Variants in PDE8B observed in about 807,000 individuals in gnomAD.
PDE8B encodes phosphodiesterase 8B.
In PDE8B, 26 loss-of-function variants were observed where a neutral mutation model predicts 101.3. That is an observed-to-expected ratio of 0.26 (90% CI 0.19 to 0.36). The LOEUF (loss-of-function observed/expected upper bound fraction) is 0.36. Among genes scored for constraint, PDE8B ranks in the 10% least tolerant of loss-of-function variants. PDE8B has a pLI of 1.00. For missense variants in PDE8B, 810 were observed against 1,163.1 expected (o/e 0.70, Z 4.42); for synonymous variants, 424 against 429.3 (o/e 0.99, Z 0.15).
At chr5:77,270,957 G>T (rs1187751966) in intron 1 of PDE8B, among the ~76,000 whole-genome samples, 1 of 100,082 alleles carries the variant, frequency 1.0e-5, no homozygotes. Flanking sequence ...ACCCCTCATT[G>T]TTCACTCAGG....
chr5:77,136,868 G>A, the PDE8B span, among the ~76,000 whole-genome samples: 6 of 152,154 alleles, frequency 3.9e-5, no homozygotes, highest in African/African-American at 1.4e-4. Context: ...ATATTTGTAA[G>A]GAAGGGTTTT....
the PDE8B span, among the ~76,000 whole-genome samples, chr5:77,150,878 A>G: frequency 0.7 from 106,247 of 152,104 alleles, 37,424 homozygotes; most frequent in East Asian, 0.94. Context: ...TCCAAAGCTA[A>G]CAGGTATTGG....
chr5:77,214,739 C>G (rs1257111765), intron 1 of PDE8B, among the ~76,000 whole-genome samples: 1 of 152,036 alleles, frequency 6.6e-6, no homozygotes. Flanking sequence ...GTTTTGGAGT[C>G]AAACTTTACG....
At chr5:77,319,466 A>C (rs1774548583) in intron 2 of PDE8B, among the ~76,000 whole-genome samples, 1 of 152,240 alleles carries the variant, frequency 6.6e-6, no homozygotes, top group South Asian at 2.1e-4. Flanking sequence ...ATGCAAAAAT[A>C]GATCATTGAA....
intron 10 of PDE8B, among the ~76,000 whole-genome samples, chr5:77,395,072 T>A (rs1237245328): frequency 6.6e-6 from 1 of 152,162 alleles, no homozygotes; most frequent in African/African-American, 2.4e-5. Flanking sequence ...CAGCTTTTGG[T>A]AGTGTTGTAT....
At chr5:77,212,513 A>T (rs1748690258) in intron 1 of PDE8B, among the ~76,000 whole-genome samples, 1 of 152,134 alleles carries the variant, frequency 6.6e-6, no homozygotes, top group African/African-American at 2.4e-5. Context: ...TTGTGGTTGC[A>T]GTGTTTCTCT....
chr5:77,362,670 G>A (rs535206888), intron 10 of PDE8B, among the ~76,000 whole-genome samples: 1 of 152,300 alleles, frequency 6.6e-6, no homozygotes, highest in South Asian at 2.1e-4. Flanking sequence ...CATCTTTGAG[G>A]AGCACGCTCC....
the PDE8B span, among the ~76,000 whole-genome samples, chr5:77,175,787 A>C: frequency 6.6e-6 from 1 of 152,330 alleles, no homozygotes; most frequent in Admixed American, 6.5e-5. Context: ...AATTGCATAA[A>C]TTTGCCTCTG....
At chr5:77,191,908 G>A in the PDE8B span, among the ~76,000 whole-genome samples, 6 of 152,300 alleles carry the variant, frequency 3.9e-5, no homozygotes, top group African/African-American at 1.2e-4. Context: ...CTGTCTGGGG[G>A]TGATGGGAGA....
intron 1 of PDE8B, among the ~76,000 whole-genome samples, chr5:77,261,466 C>T (rs1354156389): frequency 6.6e-6 from 1 of 152,238 alleles, no homozygotes; most frequent in Non-Finnish European, 1.5e-5. Context: ...ATGGCAACTA[C>T]ACTTCTCTAC....
At chr5:77,162,999 A>G in the PDE8B span, among the ~76,000 whole-genome samples, 2 of 152,240 alleles carry the variant, frequency 1.3e-5, no homozygotes, top group Non-Finnish European at 2.9e-5. Flanking sequence ...CAAATATAGA[A>G]GACAGGTTAA....
At chr5:77,220,682 T>C (rs565526008) in intron 1 of PDE8B, among the ~76,000 whole-genome samples, 1 of 152,362 alleles carries the variant, frequency 6.6e-6, no homozygotes, top group East Asian at 1.9e-4. Flanking sequence ...TGAAACAATA[T>C]TGCTGTGAAA....
At chr5:77,327,255 C>T (rs1005883087) in intron 3 of PDE8B, among the ~76,000 whole-genome samples, 6 of 152,198 alleles carry the variant, frequency 3.9e-5, no homozygotes, top group African/African-American at 2.4e-5. Context: ...GCCTAACATG[C>T]GTCCTTGAGC....
intron 21 of PDE8B, 45 bp downstream of exon 21, chr5:77,425,941 T>C (rs1798001883): frequency 6.4e-7 from 1 of 1,567,420 alleles, no homozygotes; most frequent in Non-Finnish European, 8.8e-7. Flanking sequence ...TTGTTATACT[T>C]TACGAATATT....
At chr5:77,125,289 G>GT in the PDE8B span, among the ~76,000 whole-genome samples, 1 of 152,106 alleles carries the variant, frequency 6.6e-6, no homozygotes, top group African/African-American at 2.4e-5. Flanking sequence ...ACGCCCCACT[G>GT]TTTTCTTTAA....
At chr5:77,399,433 T>G (rs1791768273) in intron 10 of PDE8B, among the ~76,000 whole-genome samples, 2 of 152,234 alleles carry the variant, frequency 1.3e-5, no homozygotes, top group Non-Finnish European at 2.9e-5. Context: ...TGTCTTATTT[T>G]TCAAGTTAAC....
chr5:77,305,873 A>G (rs1771085001), intron 1 of PDE8B, among the ~76,000 whole-genome samples: 1 of 152,184 alleles, frequency 6.6e-6, no homozygotes, highest in Non-Finnish European at 1.5e-5. Flanking sequence ...AATGATCTTC[A>G]CCGTGGACCC....
intron 1 of PDE8B, among the ~76,000 whole-genome samples, chr5:77,270,446 A>G (rs1333717583): frequency 6.6e-6 from 1 of 152,090 alleles, no homozygotes; most frequent in East Asian, 1.9e-4. Flanking sequence ...GATGCCTTTT[A>G]TTTCTTTCTC....
chr5:77,156,250 G>C, the PDE8B span, among the ~76,000 whole-genome samples: 1 of 152,122 alleles, frequency 6.6e-6, no homozygotes, highest in Non-Finnish European at 1.5e-5. Context: ...AAGGTAGAAG[G>C]CTGATAGGTT....
Sources: gnomAD v4.1 joint callset for allele counts (sites outside exome capture counted in the v4.1 genomes callset) on GRCh38, gnomAD v4.1.1 for gene constraint, MANE v1.5 for transcripts, NCBI Gene and HGNC (gene_info 2026-07-23, HGNC 2026-07-21) for gene names.